ADGRV1: variants seen among roughly 807,000 people sequenced by gnomAD.
ADGRV1 encodes the protein G-protein coupled receptor 98.
Under a neutral mutation model 596.2 loss-of-function variants are expected in ADGRV1, and 359 were observed. The observed-to-expected ratio is 0.60, with a 90% CI of 0.55 to 0.66. The LOEUF (loss-of-function observed/expected upper bound fraction) is 0.66. ADGRV1 is among the 30% of genes least tolerant of loss of function. The pLI, the probability that ADGRV1 is intolerant of heterozygous loss-of-function variation, is 0.00. For missense variants in ADGRV1, 7,274 were observed against 7,575.6 expected (o/e 0.96, Z 1.48); for synonymous variants, 2,681 against 2,679.2 (o/e 1.00, Z -0.02).
At chr5:91,000,591 A>G (rs374023412) in intron 85 of ADGRV1, among the ~76,000 whole-genome samples, 3 of 151,980 alleles carry the variant, frequency 2.0e-5, no homozygotes, top group African/African-American at 4.8e-5. Context: ...AATATTGTAT[A>G]TTAGGTTGAT....
intron 45 of ADGRV1, among the ~76,000 whole-genome samples, chr5:90,722,268 T>C (rs978174430): frequency 6.6e-5 from 10 of 152,012 alleles, no homozygotes; most frequent in African/African-American, 1.9e-4. Context: ...GCTTGTGCAG[T>C]TGGATGGGAG....
intron 2 of ADGRV1, among the ~76,000 whole-genome samples, chr5:90,616,011 T>C (rs980474708): frequency 6.6e-6 from 1 of 152,068 alleles, no homozygotes; most frequent in Non-Finnish European, 1.5e-5. Flanking sequence ...GTTAAACGAT[T>C]TTCATAGGCT....
chr5:90,900,354 G>C (rs534669219), intron 83 of ADGRV1, among the ~76,000 whole-genome samples: 7 of 141,954 alleles, frequency 4.9e-5, no homozygotes, highest in Non-Finnish European at 9.1e-5. Flanking sequence ...TTTAAATCTA[G>C]ATCTGTGCTT....
intron 4 of ADGRV1, among the ~76,000 whole-genome samples, chr5:90,621,196 C>T (rs1764017911): frequency 1.3e-5 from 2 of 152,166 alleles, no homozygotes; most frequent in South Asian, 4.1e-4. Flanking sequence ...AATCACATTA[C>T]TAATTATAAT....
chr5:91,085,058 A>T (rs1789742506), intron 86 of ADGRV1, among the ~76,000 whole-genome samples: 1 of 152,182 alleles, frequency 6.6e-6, no homozygotes, highest in Non-Finnish European at 1.5e-5. Context: ...GGTGGGGAAC[A>T]TCACACACCG....
chr5:90,630,889 T>G (rs1765410470), intron 9 of ADGRV1, among the ~76,000 whole-genome samples: 1 of 152,196 alleles, frequency 6.6e-6, no homozygotes, highest in South Asian at 2.1e-4. Flanking sequence ...CTGCTTTCTG[T>G]GCTTGTTTCA....
At chr5:90,821,899 G>A (rs1354554242) in intron 75 of ADGRV1, among the ~76,000 whole-genome samples, 1 of 152,186 alleles carries the variant, frequency 6.6e-6, no homozygotes, top group Non-Finnish European at 1.5e-5. Flanking sequence ...CAGAGGTGGA[G>A]CCTACAGAGG....
At chr5:90,828,504 AACTTT>A (rs1169571799) in intron 76 of ADGRV1, among the ~76,000 whole-genome samples, 1 of 152,152 alleles carries the variant, frequency 6.6e-6, no homozygotes, top group Non-Finnish European at 1.5e-5. Flanking sequence ...ATGTAGTTTT[AACTTT>A]ACTTTTATGG....
At chr5:90,795,635 G>A (rs1376593754) in intron 70 of ADGRV1, among the ~76,000 whole-genome samples, 1 of 152,146 alleles carries the variant, frequency 6.6e-6, no homozygotes, top group Non-Finnish European at 1.5e-5. Flanking sequence ...CCAGCACAGC[G>A]TTCAAGCTCT....
At chr5:90,719,456 C>T (rs1269921521) in intron 43 of ADGRV1, among the ~76,000 whole-genome samples, 1 of 152,150 alleles carries the variant, frequency 6.6e-6, no homozygotes, top group South Asian at 2.1e-4. Flanking sequence ...ATTGAAGACT[C>T]ATTTTGCTGG....
intron 70 of ADGRV1, among the ~76,000 whole-genome samples, chr5:90,795,330 C>T (rs572991404): frequency 6.6e-6 from 1 of 152,118 alleles, no homozygotes; most frequent in Non-Finnish European, 1.5e-5. Context: ...GAGCGTCCAC[C>T]ATGGCTGAGG....
intron 38 of ADGRV1, among the ~76,000 whole-genome samples, chr5:90,708,490 G>A (rs1748903513): frequency 6.6e-6 from 1 of 150,964 alleles, no homozygotes; most frequent in Non-Finnish European, 1.5e-5. Context: ...AGATATTAAG[G>A]TAATTTCAAA....
intron 84 of ADGRV1, among the ~76,000 whole-genome samples, chr5:90,966,002 T>C (rs560092496): frequency 7.2e-5 from 11 of 152,204 alleles, no homozygotes; most frequent in African/African-American, 2.6e-4. Flanking sequence ...GAGGTGGCAG[T>C]AGAAGCAAAG....
intron 85 of ADGRV1, among the ~76,000 whole-genome samples, chr5:91,023,216 T>A (rs1783780410): frequency 6.6e-6 from 1 of 152,152 alleles, no homozygotes; most frequent in African/African-American, 2.4e-5. Context: ...TTAAAAACAC[T>A]CTTGTGATTC....
intron 83 of ADGRV1, among the ~76,000 whole-genome samples, chr5:90,928,267 A>G (rs1263005775): frequency 6.6e-6 from 1 of 152,018 alleles, no homozygotes; most frequent in Non-Finnish European, 1.5e-5. Context: ...TTTCAGGTAC[A>G]CCAATCAGAC....
chr5:90,825,533 G>A (rs929831753), intron 76 of ADGRV1, among the ~76,000 whole-genome samples: 1 of 152,092 alleles, frequency 6.6e-6, no homozygotes, highest in Non-Finnish European at 1.5e-5. Context: ...AGGATTTTTG[G>A]TGAATTAGAA....
chr5:90,706,029 G>A (rs1446266221), intron 37 of ADGRV1, among the ~76,000 whole-genome samples: 1 of 152,024 alleles, frequency 6.6e-6, no homozygotes, highest in Non-Finnish European at 1.5e-5. Context: ...AAAGTCTAGA[G>A]GCAGGGAAAT....
At chr5:90,844,757 A>C (rs948120087) in intron 78 of ADGRV1, among the ~76,000 whole-genome samples, 3 of 152,162 alleles carry the variant, frequency 2.0e-5, no homozygotes, top group African/African-American at 7.2e-5. Flanking sequence ...TTGATAGACT[A>C]TCCCCTACCT....
At chr5:90,806,127 T>C (rs900571664) in intron 72 of ADGRV1, among the ~76,000 whole-genome samples, 4 of 152,118 alleles carry the variant, frequency 2.6e-5, no homozygotes, top group African/African-American at 9.7e-5. Flanking sequence ...GGGAATGATT[T>C]TCATTTTCCC....
Sources: allele counts gnomAD v4.1 joint callset (sites outside exome capture counted in the v4.1 genomes callset), GRCh38; gene constraint gnomAD v4.1.1; transcripts MANE v1.5; gene names NCBI Gene and HGNC (gene_info 2026-07-23, HGNC 2026-07-21).